The following ZBTB16 variants were observed in gnomAD, a reference collection of about 807,000 sequenced individuals.
ZBTB16 encodes zinc finger and BTB domain-containing protein 16.
Under a neutral mutation model 56.8 loss-of-function variants are expected in ZBTB16, and 8 were observed. That is an observed-to-expected ratio of 0.14 (90% confidence interval 0.08 to 0.25). The LOEUF is 0.25. Among genes scored for constraint, ZBTB16 ranks in the 10% least tolerant of loss-of-function variants. The pLI is 1.00. For missense variants in ZBTB16, 625 were observed against 903.0 expected (o/e 0.69, Z 3.95); for synonymous variants, 363 against 368.5 (o/e 0.98, Z 0.17).
At chr11:114,076,369 G>A (rs574595392) in intron 2 of ZBTB16, among the ~76,000 whole-genome samples, 1 of 152,290 alleles carries the variant, frequency 6.6e-6, no homozygotes, top group African/African-American at 2.4e-5. Context: ...CTCATTTCTG[G>A]GCACGCACGC....
chr11:114,166,201 CGT>C (rs3057730), intron 3 of ZBTB16, among the ~76,000 whole-genome samples: 16,198 of 133,628 alleles, frequency 0.12, 955 homozygotes, highest in African/African-American at 0.16. Flanking sequence ...GACTGGTCTA[CGT>C]GTGTGTGTGT....
In ZBTB16 at chr11:114,251,390, C is replaced by T. The variant is rs1195895547; in HGVS notation, c.*835C>T. ...CCAATACCCCACCCTAGTCCAGCAC[C>T]ATCGTGAGCAAGATTCCTGCTGCGC... is the stretch of plus-strand genomic sequence containing the variant. On this transcript the variant is annotated 3_prime_UTR_variant, in exon 7 of 7. Coordinates refer to ENST00000335953, the MANE Select transcript of ZBTB16 (RefSeq NM_006006.6). Among the ~76,000 whole-genome samples, 2 of 152,210 alleles carry T rather than the reference C, an allele frequency of 1.3e-5. No homozygotes were observed. The highest frequency in any genetic ancestry group is 4.8e-5 in the African/African-American group (2 of 41,444).
rs1055261567 is a variant in ZBTB16, at chr11:114,254,068, T to C, written c.*3513T>C. Among the ~76,000 whole-genome samples the C allele has an allele frequency of 2.4e-5, 3 of 126,652 alleles. No homozygotes were observed. The highest frequency in any genetic ancestry group is 8.7e-5 in the Admixed American group (1 of 11,526). 83.1% of individuals were successfully genotyped at this position (126,652 alleles called of 152,430 possible). A position where few individuals can be genotyped will look rare whatever the true frequency, so the allele number is the denominator to read the frequency against. ...GTCCAGCTCCTACAAATATGTCCCTTAATGCATTTGGTGACATTTACACCT... is the reference window on the plus strand; with the variant it reads ...GTCCAGCTCCTACAAATATGTCCCTCAATGCATTTGGTGACATTTACACCT... On this transcript the variant is annotated 3_prime_UTR_variant, in exon 7 of 7. Transcript: ENST00000335953.
intron 2 of ZBTB16, among the ~76,000 whole-genome samples, chr11:114,124,556 CCAAAAAAAAAAAAA>C (rs1288467481): frequency 2.5e-5 from 2 of 79,624 alleles, no homozygotes; most frequent in East Asian, 3.2e-4. Flanking sequence ...AAAAAAAAAA[CCAAAAAAAAAAAAA>C]AACAAAAACA....
At chr11:114,133,293 G>A (rs1941714588) in intron 2 of ZBTB16, among the ~76,000 whole-genome samples, 1 of 152,060 alleles carries the variant, frequency 6.6e-6, no homozygotes, top group African/African-American at 2.4e-5. Context: ...CCCCAGCCCT[G>A]CCCCACCCCT....
Position 114,254,228 on chromosome 11 carries a change from A to G in ZBTB16, c.*3673A>G, listed in dbSNP as rs1287056882. Among the ~76,000 whole-genome samples, 2 of 152,088 alleles carry G rather than the reference A, an allele frequency of 1.3e-5. No individual in the cohort carries two copies. Among genetic ancestry groups the G allele is most frequent in the Non-Finnish European group, 2.9e-5 (2 of 68,020 alleles). On this transcript the variant is annotated 3_prime_UTR_variant, in exon 7 of 7. Transcript: ENST00000335953. The stretch of plus-strand genomic sequence containing the variant: ...AGATTGATATAAAATAGTAAATATC[A>G]TTGCTGCTTTGGGCTGCTTTGGAGG...
intron 2 of ZBTB16, 22 bp from the exon 3 acceptor site, chr11:114,156,315 T>C (rs1236996496): frequency 1.2e-6 from 2 of 1,613,512 alleles, no homozygotes; most frequent in Non-Finnish European, 1.7e-6. Context: ...AGCAGCAACC[T>C]CTCTTTTCCT....
chr11:114,080,180 A>G (rs1939709961), intron 2 of ZBTB16, among the ~76,000 whole-genome samples: 1 of 152,170 alleles, frequency 6.6e-6, no homozygotes, highest in African/African-American at 2.4e-5. Context: ...GGAAGGTTAA[A>G]GGAGCTTGTG....
At chr11:114,223,932 C>T (rs1944284687) in intron 4 of ZBTB16, among the ~76,000 whole-genome samples, 1 of 152,048 alleles carries the variant, frequency 6.6e-6, no homozygotes, top group East Asian at 1.9e-4. Context: ...AAGACAAGTT[C>T]ATGGAACTGA....
intron 6 of ZBTB16, among the ~76,000 whole-genome samples, chr11:114,247,812 T>C (rs1207617824): frequency 6.6e-6 from 1 of 152,208 alleles, no homozygotes; most frequent in East Asian, 1.9e-4. Context: ...GTTGTAAAGT[T>C]AGATTGTGTT....
In ZBTB16 at chr11:114,060,967, C is replaced by T. The variant is rs1247317760; in HGVS notation, c.-91+1085C>T. On this transcript the variant is annotated intron_variant, in intron 1 of 6. Coordinates refer to ENST00000335953, the MANE Select transcript of ZBTB16 (RefSeq NM_006006.6). This position sits in a 1 kb window ranked among gnomAD's most constrained non-coding sequence, Gnocchi z 6.0. ...CTTCGCCGCGGGGCGGGTCCGCCTC[C>T]CCTGCCGCTCTCGCCGCGGAGTCCA... Among the ~76,000 whole-genome samples the T allele has an allele frequency of 6.6e-6, 1 of 152,126 alleles. No homozygotes were observed. The highest frequency in any genetic ancestry group is 1.5e-5 in the Non-Finnish European group (1 of 68,004).
chr11:114,160,864 C>T (rs555257306), intron 3 of ZBTB16, among the ~76,000 whole-genome samples: 11 of 152,156 alleles, frequency 7.2e-5, no homozygotes, highest in African/African-American at 1.9e-4. Flanking sequence ...GAAGGGTTTG[C>T]GTGTTGGGGA....
intron 4 of ZBTB16, among the ~76,000 whole-genome samples, chr11:114,217,465 G>A (rs1944130621): frequency 6.6e-6 from 1 of 152,280 alleles, no homozygotes; most frequent in East Asian, 1.9e-4. Flanking sequence ...CCTTCGGGGT[G>A]ACGTCCAGGC....
chr11:114,183,553 G>A (rs948659935), intron 3 of ZBTB16, among the ~76,000 whole-genome samples: 1 of 152,172 alleles, frequency 6.6e-6, no homozygotes, highest in Non-Finnish European at 1.5e-5. Context: ...TGGGCTTCTC[G>A]CCGATTGGAG....
At chr11:114,085,396 T>C (rs2012497756) in intron 2 of ZBTB16, among the ~76,000 whole-genome samples, 2 of 152,214 alleles carry the variant, frequency 1.3e-5, no homozygotes, top group Non-Finnish European at 2.9e-5. Context: ...AGCATCACTG[T>C]GTACTAGGTG....
rs1410436076 is a variant in ZBTB16, at chr11:114,256,474, CCT to C, written c.*5920_*5921del. ...AGCAGTCAGAACTCCATCCACCTCT[CCT>C]GATACCAGGCCAGGTTCCTTTACTC... On this transcript the variant is annotated 3_prime_UTR_variant, in exon 7 of 7. Coordinates refer to ENST00000335953, the MANE Select transcript of ZBTB16 (RefSeq NM_006006.6). Among the ~76,000 whole-genome samples, 1 of 152,190 alleles carries C rather than the reference CCT, an allele frequency of 6.6e-6. No individual in the cohort carries two copies. Among genetic ancestry groups the C allele is most frequent in the Non-Finnish European group, 1.5e-5 (1 of 68,020 alleles).
At chr11:114,198,870 C>T (rs903330220) in intron 4 of ZBTB16, among the ~76,000 whole-genome samples, 1 of 152,214 alleles carries the variant, frequency 6.6e-6, no homozygotes, top group Non-Finnish European at 1.5e-5. Context: ...ACAGAATAGC[C>T]GCTTCACTGC....
At chr11:114,127,637 G>A (rs552832531) in intron 2 of ZBTB16, among the ~76,000 whole-genome samples, 17 of 152,298 alleles carry the variant, frequency 1.1e-4, no homozygotes, top group South Asian at 4.1e-4. Flanking sequence ...TAGGAATTGC[G>A]TCAATAGTTA....
At chr11:114,128,028 A>G (rs1477680400) in intron 2 of ZBTB16, among the ~76,000 whole-genome samples, 3 of 152,100 alleles carry the variant, frequency 2.0e-5, no homozygotes, top group East Asian at 3.9e-4. Flanking sequence ...CAAGTTAAGA[A>G]AGATTCAGTG....
Sources: allele counts gnomAD v4.1 joint callset (sites outside exome capture counted in the v4.1 genomes callset), GRCh38; gene constraint gnomAD v4.1.1; non-coding constraint Gnocchi (gnomAD v3.1); transcripts MANE v1.5; gene names NCBI Gene and HGNC (gene_info 2026-07-23, HGNC 2026-07-21).